Variants in FRAS1 observed in about 807,000 individuals in gnomAD.
FRAS1 encodes the protein Fraser extracellular matrix complex subunit 1.
Under a neutral mutation model 435.2 loss-of-function variants are expected in FRAS1, and 290 were observed. The ratio of observed to expected loss-of-function variants is 0.67; its 90% CI spans 0.61 to 0.73. FRAS1 has a LOEUF of 0.73. FRAS1 is among the 30% of genes least tolerant of loss of function. The pLI is 0.00. For missense variants in FRAS1, 4,860 were observed against 5,001.5 expected (o/e 0.97, Z 0.85); for synonymous variants, 1,800 against 1,851.0 (o/e 0.97, Z 0.71).
chr4:78,413,110 T>A (rs1872268), intron 32 of FRAS1, 25 bp downstream of exon 32: 302,711 of 1,432,980 alleles, frequency 0.21, 35,460 homozygotes, highest in Non-Finnish European at 0.25. Flanking sequence ...AGGCTTGTGG[T>A]TTCCACTTAG....
intron 38 of FRAS1, among the ~76,000 whole-genome samples, chr4:78,436,621 A>G (rs1380817472): frequency 6.6e-6 from 1 of 152,140 alleles, no homozygotes; most frequent in Non-Finnish European, 1.5e-5. Context: ...ATATTAGCGA[A>G]CCTAAAGACA....
chr4:78,482,580 A>G (rs199789660), intron 58 of FRAS1, 45 bp downstream of exon 58: 23 of 1,578,256 alleles, frequency 1.5e-5, no homozygotes, highest in East Asian at 2.2e-5. Context: ...ATATATTTCT[A>G]TTTTTTCTTT....
chr4:78,385,456 T>C (rs1481857209), intron 28 of FRAS1, among the ~76,000 whole-genome samples: 2 of 152,156 alleles, frequency 1.3e-5, no homozygotes. Flanking sequence ...GGCTGCAAAA[T>C]GGTATTAATA....
At chr4:78,149,498 TC>T (rs1720555621) in intron 2 of FRAS1, among the ~76,000 whole-genome samples, 1 of 152,194 alleles carries the variant, frequency 6.6e-6, no homozygotes, top group South Asian at 2.1e-4. Context: ...TTCTTGAGTC[TC>T]CCTCTAGACA....
chr4:78,291,586 G>A (rs1473065050), intron 14 of FRAS1, among the ~76,000 whole-genome samples: 1 of 152,110 alleles, frequency 6.6e-6, no homozygotes, highest in Admixed American at 6.6e-5. Context: ...AGAGACTTGG[G>A]TTCTGCTTTC....
intron 10 of FRAS1, among the ~76,000 whole-genome samples, chr4:78,280,317 C>G (rs756798841): frequency 6.6e-6 from 1 of 152,156 alleles, no homozygotes; most frequent in Non-Finnish European, 1.5e-5. Flanking sequence ...TACTGAATAA[C>G]TGGCGGGTGG....
intron 47 of FRAS1, among the ~76,000 whole-genome samples, chr4:78,455,844 G>T (rs1334355284): frequency 6.6e-6 from 1 of 152,138 alleles, no homozygotes; most frequent in African/African-American, 2.4e-5. Flanking sequence ...TGTTTTTCTT[G>T]GGATATTAGA....
At chr4:78,464,863 T>C (rs1719479909) in intron 49 of FRAS1, among the ~76,000 whole-genome samples, 1 of 152,234 alleles carries the variant, frequency 6.6e-6, no homozygotes, top group African/African-American at 2.4e-5. Flanking sequence ...GATTTTGTAT[T>C]GATTTACAGA....
chr4:78,467,835 C>T (rs1293122442), intron 50 of FRAS1, among the ~76,000 whole-genome samples: 1 of 152,146 alleles, frequency 6.6e-6, no homozygotes, highest in African/African-American at 2.4e-5. Flanking sequence ...TGATATTGAG[C>T]GTCTTTTCAT....
chr4:78,487,594 G>T (rs1720210488), intron 58 of FRAS1, among the ~76,000 whole-genome samples: 1 of 152,110 alleles, frequency 6.6e-6, no homozygotes, highest in African/African-American at 2.4e-5. Context: ...ACAAAATGTT[G>T]ACCTCAGAAG....
chr4:78,372,568 G>T, intron 23 of FRAS1, 150 bp from the exon 24 acceptor site: 2 of 889,838 alleles, frequency 2.2e-6, no homozygotes, highest in Non-Finnish European at 3.5e-6. Context: ...GCTACTACAA[G>T]TGGAAACCTC....
chr4:78,254,775 A>G (rs896429267), intron 5 of FRAS1, among the ~76,000 whole-genome samples: 3 of 152,112 alleles, frequency 2.0e-5, no homozygotes, highest in Non-Finnish European at 4.4e-5. Context: ...TGCCTCTGTG[A>G]TCTCTTTCTC....
chr4:78,530,243 T>A lies in FRAS1; in HGVS notation c.10925+3586T>A, dbSNP rs115408601. Among the ~76,000 whole-genome samples the A allele has an allele frequency of 8.4e-3, 1,280 of 152,202 alleles. 15 individuals carry two copies. The highest frequency in any genetic ancestry group is 0.029 in the African/African-American group (1,218 of 41,502). ...GGAGAGAGGAACGACGGTTTGAAAC[T>A]GGCTAAAAGGATCAAGGAGGACACC... On this transcript the variant is annotated intron_variant, in intron 70 of 73. Coordinates refer to ENST00000512123, the MANE Select transcript of FRAS1 (RefSeq NM_025074.7).
At chr4:78,294,768 G>A (rs1194960789) in intron 14 of FRAS1, among the ~76,000 whole-genome samples, 1 of 151,936 alleles carries the variant, frequency 6.6e-6, no homozygotes, top group East Asian at 1.9e-4. Flanking sequence ...TGTACCTTAG[G>A]GAAAAGGACT....
intron 69 of FRAS1, among the ~76,000 whole-genome samples, chr4:78,523,160 A>G (rs1238642226): frequency 6.6e-6 from 1 of 152,186 alleles, no homozygotes; most frequent in East Asian, 1.9e-4. Flanking sequence ...TGCTCAGATC[A>G]ACTTCTGATA....
intron 2 of FRAS1, among the ~76,000 whole-genome samples, chr4:78,133,004 G>A (rs547565425): frequency 2.6e-5 from 4 of 152,288 alleles, no homozygotes; most frequent in African/African-American, 9.6e-5. Flanking sequence ...GAACCCAGGA[G>A]GCGGAAGTTG....
Position 78,249,323 on chromosome 4 carries a change from C to CTTTTT in FRAS1, c.310-3050_310-3046dup, listed in dbSNP as rs11308579. The stretch of plus-strand genomic sequence containing the variant: ...TGGCTTTGACATCAAGCAGTGGAGC[C>CTTTTT]TTTTTTTTTTTTTTTTTTTTTTTGA... On this transcript the variant is annotated intron_variant, in intron 4 of 73. Transcript: ENST00000512123. Among the ~76,000 whole-genome samples, 16 of 47,204 alleles carry CTTTTT rather than the reference C, an allele frequency of 3.4e-4. 1 individual carries two copies. The highest frequency in any genetic ancestry group is 8.2e-4 in the Admixed American group (2 of 2,430). The allele number at this position is 47,204 out of a possible 152,430, so 31.0% of individuals were successfully genotyped here.
chr4:78,140,090 C>T (rs1241962586), intron 2 of FRAS1, among the ~76,000 whole-genome samples: 1 of 152,086 alleles, frequency 6.6e-6, no homozygotes, highest in African/African-American at 2.4e-5. Flanking sequence ...TTATCACTAT[C>T]TATCAATTCA....
At chr4:78,440,963 T>G (rs1734633815) in intron 40 of FRAS1, among the ~76,000 whole-genome samples, 199 bp from the exon 41 acceptor site, 1 of 152,242 alleles carries the variant, frequency 6.6e-6, no homozygotes, top group East Asian at 1.9e-4. Flanking sequence ...CATGTCTGAC[T>G]GTAGCTTTGA....
Sources: allele counts gnomAD v4.1 joint callset (sites outside exome capture counted in the v4.1 genomes callset), GRCh38; gene constraint gnomAD v4.1.1; transcripts MANE v1.5; gene names NCBI Gene and HGNC (gene_info 2026-07-23, HGNC 2026-07-21).